Variants in SIK3 observed in about 807,000 individuals in gnomAD.
SIK3 encodes the protein serine/threonine-protein kinase SIK3.
In SIK3, 28 loss-of-function variants were observed where a neutral mutation model predicts 144.2. The ratio of observed to expected loss-of-function variants is 0.19; its 90% confidence interval spans 0.14 to 0.27. The LOEUF (loss-of-function observed/expected upper bound fraction) is 0.27, where lower values mean the gene tolerates loss of function less well. Among genes scored for constraint, SIK3 ranks in the 10% least tolerant of loss-of-function variants. The pLI, the probability that SIK3 is intolerant of heterozygous loss-of-function variation, is 1.00. For missense variants in SIK3, 1,319 were observed against 1,776.0 expected, an observed-to-expected ratio of 0.74 and a Z score of 4.62; for synonymous variants, 686 against 676.3, an observed-to-expected ratio of 1.01 and a Z score of -0.22.
At chr11:117,056,735 T>C (rs1270188362) in intron 1 of SIK3, among the ~76,000 whole-genome samples, 1 of 152,156 alleles carries the variant, frequency 6.6e-6, no homozygotes, top group Non-Finnish European at 1.5e-5. Context: ...ATTTCAAATA[T>C]GCCCATCTTT....
intron 1 of SIK3, among the ~76,000 whole-genome samples, chr11:116,974,556 CTGTT>C (rs141350559): frequency 1.3e-4 from 20 of 151,880 alleles, no homozygotes; most frequent in South Asian, 1.2e-3. Flanking sequence ...ATAGGGGTTT[CTGTT>C]TGTTTGTTTG....
At chr11:117,086,235 T>A (rs1235196185) in intron 1 of SIK3, among the ~76,000 whole-genome samples, 1 of 152,208 alleles carries the variant, frequency 6.6e-6, no homozygotes, top group African/African-American at 2.4e-5. Flanking sequence ...CACAGCAAAT[T>A]TAAACATGAT....
chr11:116,846,651 A>T lies in SIK3; in HGVS notation c.3953-98T>A. The T allele has an allele frequency of 7.2e-7, 1 of 1,393,640 alleles. No individual in the cohort carries two copies. Among genetic ancestry groups the T allele is most frequent in the Non-Finnish European group, 9.9e-7 (1 of 1,006,212 alleles). The allele number at this position is 1,393,640 out of a possible 1,614,324, so 86.3% of individuals were successfully genotyped here. On this transcript the variant is annotated intron_variant, in intron 23 of 24. Coordinates refer to ENST00000445177, the MANE Select transcript of SIK3 (RefSeq NM_001366686.3). The surrounding 1 kb of genome is among the most constrained non-coding windows in gnomAD (Gnocchi z 4.1). ...AGGAATTGAAGGCAACCTGTCGAGC[A>T]TCCCACAGCCTGACTCCCAGCCCTG... is the stretch of plus-strand genomic sequence containing the variant.
intron 1 of SIK3, among the ~76,000 whole-genome samples, chr11:117,020,444 G>C (rs530696584): frequency 6.6e-6 from 1 of 151,966 alleles, no homozygotes; most frequent in African/African-American, 2.4e-5. Flanking sequence ...TTATGTTAAT[G>C]AGATGATTTT....
At chr11:117,074,516 GTAT>G (rs1241083660) in intron 1 of SIK3, among the ~76,000 whole-genome samples, 1 of 152,066 alleles carries the variant, frequency 6.6e-6, no homozygotes, top group Non-Finnish European at 1.5e-5. Context: ...TTCTATAGAT[GTAT>G]TATTATTATA....
At chr11:116,969,224 A>G (rs571600296) in intron 1 of SIK3, among the ~76,000 whole-genome samples, 1 of 140,486 alleles carries the variant, frequency 7.1e-6, no homozygotes, top group East Asian at 2.2e-4. Context: ...CAGGAGGCGG[A>G]GCTTGCAGTG....
intron 21 of SIK3, among the ~76,000 whole-genome samples, chr11:116,850,234 C>G (rs1015832527): frequency 6.6e-6 from 1 of 152,194 alleles, no homozygotes; most frequent in East Asian, 1.9e-4. Flanking sequence ...AAAGACCAAC[C>G]GTTCTGTAGT....
rs1285466084 is a variant in SIK3 at position 116,844,632 on chromosome 11, ATAT to A, written c.*1008_*1010del. 2.7e-4 allele frequency: 15 copies of A among 55,980 alleles called. No individual in the cohort carries two copies. The highest frequency in any genetic ancestry group is 4.0e-4 in the Non-Finnish European group (10 of 25,008). 3.5% of individuals were successfully genotyped at this position (55,980 alleles called of 1,614,324 possible). On this transcript the variant is annotated 3_prime_UTR_variant, in exon 25 of 25. Coordinates refer to ENST00000445177, the MANE Select transcript of SIK3 (RefSeq NM_001366686.3). The stretch of plus-strand genomic sequence containing the variant: ...ATTATATATATAATATATATATAAT[ATAT>A]TATATTATATATTATATATATAATA...
chr11:116,938,544 AGGGGAGGGGAGGGG>A (rs1948082065), intron 3 of SIK3, among the ~76,000 whole-genome samples: 15 of 698 alleles, frequency 0.021, no homozygotes, highest in Non-Finnish European at 0.074. Flanking sequence ...ACGGAAGGGG[AGGGGAGGGGAGGGG>A]AGGGGAGGGG....
chr11:116,927,018 C>CA (rs1173220177), intron 4 of SIK3, among the ~76,000 whole-genome samples: 2,421 of 113,748 alleles, frequency 0.021, 31 homozygotes, highest in Non-Finnish European at 0.034. Flanking sequence ...GACTCAGTCT[C>CA]GAAAAAAAAA....
At position 116,953,905 on chromosome 11, in the gene SIK3, C is replaced by A. The variant is rs531032436; in HGVS notation, c.454+139G>T. 1.2e-5 allele frequency: 7 copies of A among 604,074 alleles called. No homozygotes were observed. The South Asian group carries it at 1.5e-4, about 13-fold the overall frequency. The allele number at this position is 604,074 out of a possible 1,614,324, so 37.4% of individuals were successfully genotyped here. A position where few individuals can be genotyped will look rare whatever the true frequency, so the allele number is the denominator to read the frequency against. ...AGATTAATCAAAACAAATTAAAATG[C>A]CTTTGTTGATAGAAAATGGCAGGAT... On this transcript the variant is annotated intron_variant, in intron 3 of 24. Transcript: ENST00000445177.
At chr11:116,905,736 T>G (rs1051391489) in intron 4 of SIK3, among the ~76,000 whole-genome samples, 2 of 152,244 alleles carry the variant, frequency 1.3e-5, no homozygotes, top group Admixed American at 6.5e-5. Flanking sequence ...CATCTTTTCA[T>G]GTGCTTTTCA....
intron 1 of SIK3, among the ~76,000 whole-genome samples, chr11:116,968,676 CCTT>C (rs1949651522): frequency 6.6e-6 from 1 of 152,150 alleles, no homozygotes; most frequent in South Asian, 2.1e-4. Flanking sequence ...TAAATACTGA[CCTT>C]CTCTGATGGT....
chr11:116,888,141 T>C (rs1944926405), intron 6 of SIK3, among the ~76,000 whole-genome samples: 1 of 152,248 alleles, frequency 6.6e-6, no homozygotes, highest in Admixed American at 6.5e-5. Flanking sequence ...GTAGAGGCTT[T>C]GCCCTCTGGT....
At position 116,861,870 on chromosome 11, in the gene SIK3, C is replaced by T. The variant is rs1943349274; in HGVS notation, c.2286G>A (p.Gln762=). Residue 762 remains glutamine (Q), a synonymous_variant, in exon 18 of 25, where the codon CAG becomes CAA. Transcript: ENST00000445177. ...SPPLQAACEN[Q]PALLTHQLQR... ...GGAGCTGATGGGTAAGGAGGGCTGG[C>T]TGATTTTCACATGCAGCCTGAAGAG... The T allele has an allele frequency of 6.2e-7, 1 of 1,612,228 alleles. No homozygotes were observed. The highest frequency in any genetic ancestry group is 8.5e-7 in the Non-Finnish European group (1 of 1,179,352).
intron 3 of SIK3, among the ~76,000 whole-genome samples, chr11:116,949,157 G>C (rs6589580): frequency 6.6e-6 from 1 of 151,926 alleles, no homozygotes; most frequent in Non-Finnish European, 1.5e-5. Context: ...GAAAGATCTC[G>C]TATCAATAAC....
At chr11:116,866,806 C>T (rs1259708681) in intron 15 of SIK3, among the ~76,000 whole-genome samples, 1 of 152,166 alleles carries the variant, frequency 6.6e-6, no homozygotes, top group Non-Finnish European at 1.5e-5. Flanking sequence ...AAAAGCCTGT[C>T]TTTCTGTGCC....
chr11:116,885,777 G>T (rs1193794199), intron 6 of SIK3, among the ~76,000 whole-genome samples: 6 of 152,304 alleles, frequency 3.9e-5, no homozygotes, highest in African/African-American at 1.4e-4. Flanking sequence ...AAGCCAGACT[G>T]CCTGGGTTCA....
intron 1 of SIK3, among the ~76,000 whole-genome samples, chr11:116,987,024 AGAGTCCTG>A (rs1238669219): frequency 2.0e-5 from 3 of 152,192 alleles, no homozygotes. Context: ...CAAGATGAAA[AGAGTCCTG>A]GAGATTGATT....
Sources: allele counts gnomAD v4.1 joint callset (sites outside exome capture counted in the v4.1 genomes callset), GRCh38; gene constraint gnomAD v4.1.1; non-coding constraint Gnocchi (gnomAD v3.1); transcripts MANE v1.5; gene names NCBI Gene and HGNC (gene_info 2026-07-23, HGNC 2026-07-21).